DNAAF9: variants seen among roughly 807,000 people sequenced by gnomAD.
DNAAF9 encodes dynein axonemal assembly factor 9, also known as shulin.
A neutral mutation model predicts 167.0 loss-of-function variants in DNAAF9; 90 were observed. That is an observed-to-expected ratio of 0.54 (90% confidence interval 0.45 to 0.64). DNAAF9 has a LOEUF of 0.64. DNAAF9 is among the 30% of genes least tolerant of loss of function. DNAAF9 has a pLI of 0.00. For synonymous variants in DNAAF9, 491 were observed against 508.8 expected, an observed-to-expected ratio of 0.96 and a Z score of 0.47; for missense variants, 1,315 against 1,442.2, an observed-to-expected ratio of 0.91 and a Z score of 1.43.
chr20:3,339,328 G>A (rs2070032079), intron 10 of DNAAF9, among the ~76,000 whole-genome samples: 1 of 152,070 alleles, frequency 6.6e-6, no homozygotes, highest in African/African-American at 2.4e-5. Context: ...GTTTTTTCTT[G>A]CCTTTTAGCA....
chr20:3,326,831 T>C (rs960636477), intron 12 of DNAAF9, among the ~76,000 whole-genome samples: 1 of 152,066 alleles, frequency 6.6e-6, no homozygotes, highest in Non-Finnish European at 1.5e-5. Context: ...TCGGCTCCTC[T>C]GAATTCTGCT....
chr20:3,328,869 C>CTTT (rs572740669), intron 12 of DNAAF9, among the ~76,000 whole-genome samples: 1 of 136,828 alleles, frequency 7.3e-6, no homozygotes, highest in Non-Finnish European at 1.6e-5. Flanking sequence ...CACAATTTTC[C>CTTT]TTTTTTTTTT....
intron 1 of DNAAF9, among the ~76,000 whole-genome samples, chr20:3,406,276 T>C (rs2084053646): frequency 6.6e-6 from 1 of 152,204 alleles, no homozygotes; most frequent in Non-Finnish European, 1.5e-5. Context: ...CAAGCAAAGT[T>C]AAAACATATG....
chr20:3,369,224 T>C (rs943249036), intron 6 of DNAAF9, among the ~76,000 whole-genome samples: 3 of 152,068 alleles, frequency 2.0e-5, no homozygotes. Context: ...CATACTTAAG[T>C]GATTTAATTT....
At chr20:3,326,345 C>T in intron 12 of DNAAF9, 61 bp from the exon 13 acceptor site, 1 of 1,151,022 alleles carries the variant, frequency 8.7e-7, no homozygotes, top group Admixed American at 1.8e-5. Flanking sequence ...TCAAAAGATG[C>T]ATGCACATAA....
In DNAAF9 at chr20:3,281,818, G is replaced by A. The variant is rs377558497; in HGVS notation, c.2487-52C>T. ...AGTTCACTGACTGGCATTGCAAAGT[G>A]GAGGAAGAGGGGAATCCCGAATGGC... is the stretch of plus-strand genomic sequence containing the variant. On this transcript the variant is annotated intron_variant, in intron 27 of 36. Coordinates refer to ENST00000252032, the MANE Select transcript of DNAAF9 (RefSeq NM_001009984.3). The A allele has an allele frequency of 1.3e-5, 21 of 1,561,844 alleles. No individual in the cohort carries two copies. In the African/African-American group the frequency reaches 2.3e-4, roughly 17 times the overall value.
chr20:3,353,123 T>C (rs959085490), intron 7 of DNAAF9, among the ~76,000 whole-genome samples: 4 of 149,348 alleles, frequency 2.7e-5, no homozygotes, highest in Non-Finnish European at 5.9e-5. Context: ...ATATAACATA[T>C]ATATAACATA....
intron 21 of DNAAF9, among the ~76,000 whole-genome samples, chr20:3,300,678 AAATAATAATAATAATAATAATAATAAT>A (rs34199778): frequency 7.5e-6 from 1 of 134,086 alleles, no homozygotes; most frequent in Non-Finnish European, 1.6e-5. Flanking sequence ...GACTCCATCT[AAATAATAATAATAATAATAATAATAAT>A]AATAATAATA....
intron 6 of DNAAF9, among the ~76,000 whole-genome samples, chr20:3,373,078 G>A (rs1174440912): frequency 6.6e-6 from 1 of 152,178 alleles, no homozygotes; most frequent in Non-Finnish European, 1.5e-5. Flanking sequence ...GTCAATGTGA[G>A]AATACTGTGA....
At chr20:3,342,156 T>C (rs969778843) in intron 9 of DNAAF9, among the ~76,000 whole-genome samples, 12 of 152,310 alleles carry the variant, frequency 7.9e-5, no homozygotes, top group Admixed American at 2.0e-4. Flanking sequence ...CTCAGCTCCA[T>C]AGAAGGCCAC....
chr20:3,319,286 A>AG, intron 16 of DNAAF9, among the ~76,000 whole-genome samples: 1 of 147,866 alleles, frequency 6.8e-6, no homozygotes, highest in Admixed American at 6.8e-5. Context: ...AAAAAAAAAA[A>AG]AAAGCAAGAA....
chr20:3,276,386 G>A (rs944855252), intron 29 of DNAAF9, among the ~76,000 whole-genome samples: 1 of 152,146 alleles, frequency 6.6e-6, no homozygotes, highest in African/African-American at 2.4e-5. Flanking sequence ...AGCATATGTG[G>A]CCTGAAGGTG....
intron 26 of DNAAF9, among the ~76,000 whole-genome samples, chr20:3,288,482 T>C (rs1159383609): frequency 6.6e-6 from 1 of 152,090 alleles, no homozygotes; most frequent in South Asian, 2.1e-4. Context: ...GGGTGAATAA[T>C]TCAGAATCTT....
chr20:3,330,850 G>C (rs2069814030), intron 11 of DNAAF9, among the ~76,000 whole-genome samples, 168 bp from the exon 12 acceptor site: 1 of 149,830 alleles, frequency 6.7e-6, no homozygotes, highest in Non-Finnish European at 1.5e-5. Flanking sequence ...GGAGTGCAGT[G>C]GCGTAATCTC....
chr20:3,382,943 C>T (rs1021962520), intron 1 of DNAAF9, among the ~76,000 whole-genome samples: 31 of 152,084 alleles, frequency 2.0e-4, no homozygotes, highest in Non-Finnish European at 4.4e-4. Flanking sequence ...CAAACTAAAC[C>T]CCCAAACTGG....
chr20:3,291,319 T>C (rs1162387033), intron 25 of DNAAF9, among the ~76,000 whole-genome samples: 1 of 150,786 alleles, frequency 6.6e-6, no homozygotes, highest in African/African-American at 2.4e-5. Flanking sequence ...TGACTTGGCA[T>C]GGCAAGTGCC....
At position 3,388,573 on chromosome 20, in the gene DNAAF9, A is replaced by C. The variant is rs2123266729; in HGVS notation, c.84-6067T>G. ...GTGGAAGCAACCCAAAGTGATAAACAAAATGTGATACATACACACAATGGA... is the reference window on the plus strand; with the variant it reads ...GTGGAAGCAACCCAAAGTGATAAACCAAATGTGATACATACACACAATGGA... On this transcript the variant is annotated intron_variant, in intron 1 of 36. Coordinates refer to ENST00000252032, the MANE Select transcript of DNAAF9 (RefSeq NM_001009984.3). Among the ~76,000 whole-genome samples the C allele has an allele frequency of 1.3e-5, 2 of 152,370 alleles. 1 individual carries two copies. Among genetic ancestry groups the C allele is most frequent in the African/African-American group, 4.8e-5 (2 of 41,582 alleles).
rs1475657841 is a variant in DNAAF9, at chr20:3,315,015, A to G, written c.1678+18T>C. On this transcript the variant is annotated intron_variant, in intron 20 of 36. Transcript: ENST00000252032. This position sits in a 1 kb window ranked among gnomAD's most constrained non-coding sequence, Gnocchi z 4.1. ...GGACCCAGACATGGCCAAAAACATT[A>G]AAGTCATAGCTCCTTACCTTCCTCA... The G allele has an allele frequency of 1.3e-6, 2 of 1,505,256 alleles. No individual in the cohort carries two copies. The highest frequency in any genetic ancestry group is 9.2e-7 in the Non-Finnish European group (1 of 1,083,114). 93.2% of individuals were successfully genotyped at this position (1,505,256 alleles called of 1,614,324 possible).
intron 17 of DNAAF9, among the ~76,000 whole-genome samples, chr20:3,317,258 G>A (rs2069519326): frequency 6.6e-6 from 1 of 150,882 alleles, no homozygotes; most frequent in South Asian, 2.1e-4. Context: ...CTACTTGGGA[G>A]GCTGAGGTGG....
Sources: allele counts gnomAD v4.1 joint callset (sites outside exome capture counted in the v4.1 genomes callset), GRCh38; gene constraint gnomAD v4.1.1; non-coding constraint Gnocchi (gnomAD v3.1); transcripts MANE v1.5; gene names NCBI Gene and HGNC (gene_info 2026-07-23, HGNC 2026-07-21).